Variants in MDGA2 observed in about 807,000 individuals in gnomAD.
MDGA2 encodes MAM domain-containing glycosylphosphatidylinositol anchor protein 2.
MDGA2 carries 40 observed loss-of-function variants against 117.8 expected under a neutral mutation model. The observed-to-expected ratio is 0.34, with a 90% confidence interval of 0.26 to 0.44. The LOEUF is 0.44. Ranked by LOEUF, MDGA2 falls within the 20% of genes least tolerant of loss-of-function variation. MDGA2 has a pLI of 1.00. For missense variants in MDGA2, 1,123 were observed against 1,250.6 expected (o/e 0.90, Z 1.54); for synonymous variants, 452 against 439.0 (o/e 1.03, Z -0.37).
chr14:47,326,740 A>G (rs1163448530), intron 1 of MDGA2, among the ~76,000 whole-genome samples: 2 of 152,014 alleles, frequency 1.3e-5, no homozygotes, highest in East Asian at 3.9e-4. Context: ...TTAATCACAC[A>G]CACAGAGAGA....
chr14:46,954,695 C>T (rs1885496646), intron 9 of MDGA2, among the ~76,000 whole-genome samples: 10 of 151,964 alleles, frequency 6.6e-5, no homozygotes, highest in Admixed American at 6.6e-4. Flanking sequence ...AAGATAAGTT[C>T]CTTCTCTCAA....
chr14:47,242,280 T>C (rs1887067308), intron 2 of MDGA2, among the ~76,000 whole-genome samples: 1 of 151,986 alleles, frequency 6.6e-6, no homozygotes, highest in African/African-American at 2.4e-5. Flanking sequence ...GACAGCGTGC[T>C]GGCAGTCCTC....
At chr14:46,857,768 C>A (rs981972001) in intron 14 of MDGA2, among the ~76,000 whole-genome samples, 7 of 152,076 alleles carry the variant, frequency 4.6e-5, no homozygotes, top group Non-Finnish European at 8.8e-5. Context: ...GATCTTCCCA[C>A]CTCAGCTTCC....
At chr14:47,276,577 TC>T (rs1888318345) in intron 2 of MDGA2, among the ~76,000 whole-genome samples, 1 of 152,086 alleles carries the variant, frequency 6.6e-6, no homozygotes, top group Non-Finnish European at 1.5e-5. Flanking sequence ...ATACTATAAT[TC>T]CATTTTGTCT....
rs542967706 is a variant in MDGA2 at position 47,601,932 on chromosome 14, C to T, written c.280+72585G>A. On this transcript the variant is annotated intron_variant, in intron 1 of 16. Coordinates refer to ENST00000399232, the MANE Select transcript of MDGA2 (RefSeq NM_001113498.3). ...AAAATTATATTCTCTCCCCCAGCTT[C>T]GGAGTTTTGATTTAGGCTTATTTTC... Among the ~76,000 whole-genome samples, 25 of 152,066 alleles carry T rather than the reference C, an allele frequency of 1.6e-4. 1 individual carries two copies. The highest frequency in any genetic ancestry group is 5.1e-4 in the African/African-American group (21 of 41,418).
At chr14:47,460,589 G>C (rs775702361) in intron 1 of MDGA2, among the ~76,000 whole-genome samples, 1 of 152,114 alleles carries the variant, frequency 6.6e-6, no homozygotes, top group Non-Finnish European at 1.5e-5. Context: ...GAAAGTTATA[G>C]TAAGTGTTGG....
chr14:47,385,840 C>G (rs1321982090), intron 1 of MDGA2, among the ~76,000 whole-genome samples: 2 of 152,094 alleles, frequency 1.3e-5, no homozygotes, highest in African/African-American at 4.8e-5. Context: ...AGTTGCTTAC[C>G]TATTTTATAA....
At chr14:47,562,748 T>A (rs1895840661) in intron 1 of MDGA2, among the ~76,000 whole-genome samples, 1 of 152,158 alleles carries the variant, frequency 6.6e-6, no homozygotes, top group Admixed American at 6.5e-5. Flanking sequence ...TTGATTTTGG[T>A]TGTTTCTTGT....
intron 8 of MDGA2, among the ~76,000 whole-genome samples, chr14:46,977,215 C>T (rs1016898228): frequency 4.6e-5 from 7 of 151,300 alleles, no homozygotes; most frequent in Non-Finnish European, 8.9e-5. Context: ...GAAAAAAAGC[C>T]GATTTTCAAA....
At chr14:46,881,854 G>T (rs982073370) in intron 11 of MDGA2, among the ~76,000 whole-genome samples, 190 bp downstream of exon 11, 1 of 151,944 alleles carries the variant, frequency 6.6e-6, no homozygotes, top group African/African-American at 2.4e-5. Context: ...CTCTACATTT[G>T]TAATCAAATG....
At chr14:46,981,231 C>A (rs147993994) in intron 8 of MDGA2, among the ~76,000 whole-genome samples, 9 of 151,928 alleles carry the variant, frequency 5.9e-5, no homozygotes, top group African/African-American at 1.9e-4. Context: ...TGGTGAAACC[C>A]CGTCTCTACT....
chr14:47,469,696 A>C (rs947192410), intron 1 of MDGA2, among the ~76,000 whole-genome samples: 1 of 152,036 alleles, frequency 6.6e-6, no homozygotes. Flanking sequence ...GTCAAATGGT[A>C]TTTTTAGTTC....
chr14:47,645,020 T>C (rs1455589284), intron 1 of MDGA2, among the ~76,000 whole-genome samples: 2 of 152,124 alleles, frequency 1.3e-5, no homozygotes, highest in African/African-American at 4.8e-5. Context: ...GCAAGGAAAC[T>C]GATTTTCCCC....
intron 1 of MDGA2, among the ~76,000 whole-genome samples, chr14:47,507,381 A>G (rs1369380868): frequency 6.6e-6 from 1 of 152,216 alleles, no homozygotes; most frequent in Non-Finnish European, 1.5e-5. Flanking sequence ...CCAGGAGAGC[A>G]GGACTGACAC....
intron 1 of MDGA2, among the ~76,000 whole-genome samples, chr14:47,311,807 T>C (rs927038543): frequency 1.3e-5 from 2 of 152,152 alleles, no homozygotes; most frequent in African/African-American, 4.8e-5. Context: ...TTAGTTTTGA[T>C]GCCAATTCTG....
chr14:47,376,691 C>T (rs1320125112), intron 1 of MDGA2, among the ~76,000 whole-genome samples: 3 of 152,170 alleles, frequency 2.0e-5, no homozygotes, highest in African/African-American at 7.2e-5. Context: ...AACTGACATA[C>T]AACCTCATGC....
At position 47,226,105 on chromosome 14, in the gene MDGA2, C is replaced by A. The variant is rs188521447; in HGVS notation, c.421-7910G>T. ...AGGAGTTTGAGACCAGTCTGGGCAACATAGGGAGACCCCTATCTCTACAAA... is the reference window on the plus strand; with the variant it reads ...AGGAGTTTGAGACCAGTCTGGGCAAAATAGGGAGACCCCTATCTCTACAAA... On this transcript the variant is annotated intron_variant, in intron 2 of 16. Coordinates refer to ENST00000399232, the MANE Select transcript of MDGA2 (RefSeq NM_001113498.3). Among the ~76,000 whole-genome samples, 846 of 151,772 alleles carry A rather than the reference C, an allele frequency of 5.6e-3. 15 individuals carry two copies. Among genetic ancestry groups the A allele is most frequent in the African/African-American group, 0.015 (623 of 41,388 alleles).
At chr14:46,937,502 G>A (rs556823628) in intron 9 of MDGA2, among the ~76,000 whole-genome samples, 12 of 152,096 alleles carry the variant, frequency 7.9e-5, no homozygotes, top group Middle Eastern at 3.4e-3. Flanking sequence ...ATTCTAAATA[G>A]CCAAAACAAT....
chr14:46,894,484 G>C (rs1883002930), intron 10 of MDGA2, among the ~76,000 whole-genome samples: 1 of 152,048 alleles, frequency 6.6e-6, no homozygotes, highest in Non-Finnish European at 1.5e-5. Context: ...GGCAACAGAG[G>C]AAGATAACAA....
Sources: gnomAD v4.1 joint callset for allele counts (sites outside exome capture counted in the v4.1 genomes callset) on GRCh38, gnomAD v4.1.1 for gene constraint, MANE v1.5 for transcripts, NCBI Gene and HGNC (gene_info 2026-07-23, HGNC 2026-07-21) for gene names.